The following CFAP61 variants were observed in gnomAD, a reference collection of about 807,000 sequenced individuals.
The protein encoded by CFAP61 is cilia and flagella associated protein 61, also known as cilia- and flagella-associated protein 61.
In CFAP61, 107 loss-of-function variants were observed where a neutral mutation model predicts 135.6. The observed-to-expected ratio is 0.79, with a 90% CI of 0.67 to 0.93. CFAP61 has a LOEUF of 0.93. Among genes scored for constraint, CFAP61 ranks in the 40% least tolerant of loss-of-function variants. The pLI is 0.00. For missense variants in CFAP61, 1,507 were observed against 1,556.2 expected (o/e 0.97, Z 0.53); for synonymous variants, 575 against 578.5 (o/e 0.99, Z 0.09).
At chr20:20,075,714 A>G in intron 6 of CFAP61, 99 bp downstream of exon 6, 1 of 1,381,184 alleles carries the variant, frequency 7.2e-7, no homozygotes. Context: ...TATAGCTTAG[A>G]TCAAAATTTT....
chr20:20,255,727 T>G (rs2051491935), intron 20 of CFAP61, among the ~76,000 whole-genome samples: 1 of 152,140 alleles, frequency 6.6e-6, no homozygotes, highest in African/African-American at 2.4e-5. Context: ...TGAGAATGAT[T>G]ACAGGGGAAA....
intron 8 of CFAP61, among the ~76,000 whole-genome samples, chr20:20,139,494 G>A (rs751096247): frequency 1.8e-4 from 27 of 152,282 alleles, no homozygotes; most frequent in Admixed American, 8.5e-4. Flanking sequence ...ATTAAATCGC[G>A]CAGCTTCAGT....
chr20:20,271,187 T>C (rs538982206), intron 21 of CFAP61, among the ~76,000 whole-genome samples: 1 of 152,214 alleles, frequency 6.6e-6, no homozygotes, highest in South Asian at 2.1e-4. Flanking sequence ...TCCCAACTAC[T>C]CAAGAGGCTG....
intron 17 of CFAP61, chr20:20,200,640 A>G: frequency 1.0e-6 from 1 of 968,532 alleles, no homozygotes; most frequent in Non-Finnish European, 1.2e-6. Flanking sequence ...TAAGTAAAAA[A>G]AAAAAAAATC....
Position 20,228,375 on chromosome 20 carries a change from T to A in CFAP61, c.2059T>A (p.Cys687Ser), listed in dbSNP as rs978089287. Residue 687 changes from cysteine (C) to serine (S), a missense_variant and splice_region_variant, in exon 18 of 27, where the codon TGC becomes AGC. By Grantham distance (112) the Cys-to-Ser change is moderately radical. Transcript: ENST00000245957. ...TTCCTTCCTAGAGACATTGGTATTTTGGTGAGTTGTTTCACTCTATTGATT... is the reference window on the plus strand; with the variant it reads ...TTCCTTCCTAGAGACATTGGTATTTAGGTGAGTTGTTTCACTCTATTGATT... ...GISFLETLVF[C>S]SHMKFNNLTL... The A allele has an allele frequency of 1.2e-6, 2 of 1,605,378 alleles. No homozygotes were observed. The highest frequency in any genetic ancestry group is 1.7e-6 in the Non-Finnish European group (2 of 1,172,952).
At chr20:20,290,999 G>A (rs541295134) in intron 24 of CFAP61, among the ~76,000 whole-genome samples, 2 of 152,194 alleles carry the variant, frequency 1.3e-5, no homozygotes, top group African/African-American at 4.8e-5. Flanking sequence ...TTTTTCAATA[G>A]ACTTTATTTT....
chr20:20,097,211 G>A (rs957258120), intron 7 of CFAP61, among the ~76,000 whole-genome samples: 5 of 151,730 alleles, frequency 3.3e-5, no homozygotes, highest in Non-Finnish European at 5.9e-5. Context: ...AAGATGCTGC[G>A]TTCTTGGGAA....
At chr20:20,156,294 T>TAA (rs905815690) in intron 9 of CFAP61, among the ~76,000 whole-genome samples, 1 of 151,214 alleles carries the variant, frequency 6.6e-6, no homozygotes, top group Non-Finnish European at 1.5e-5. Flanking sequence ...TTTAACAAAC[T>TAA]AAAAAAAAAC....
chr20:20,175,294 A>G (rs1013837048), intron 13 of CFAP61, among the ~76,000 whole-genome samples: 7 of 152,094 alleles, frequency 4.6e-5, no homozygotes, highest in Non-Finnish European at 1.0e-4. Flanking sequence ...TTCTTTCTTC[A>G]TATGCTCTTC....
intron 26 of CFAP61, among the ~76,000 whole-genome samples, chr20:20,345,835 T>A (rs1041898666): frequency 4.1e-4 from 61 of 147,176 alleles, no homozygotes; most frequent in African/African-American, 1.3e-3. Flanking sequence ...GGCAGGAGAA[T>A]CTCTTGAACT....
chr20:20,255,889 G>T (rs2051506033), intron 20 of CFAP61, among the ~76,000 whole-genome samples: 1 of 152,230 alleles, frequency 6.6e-6, no homozygotes, highest in Admixed American at 6.5e-5. Context: ...CAAAGGTTGT[G>T]ACATGGTGTG....
chr20:20,330,845 C>T (rs1404865516), intron 25 of CFAP61, among the ~76,000 whole-genome samples: 1 of 152,198 alleles, frequency 6.6e-6, no homozygotes, highest in Non-Finnish European at 1.5e-5. Context: ...AGAATGTCCT[C>T]TCTCAGAGTG....
At chr20:20,132,734 T>C (rs1019260535) in intron 8 of CFAP61, among the ~76,000 whole-genome samples, 1 of 152,136 alleles carries the variant, frequency 6.6e-6, no homozygotes, top group African/African-American at 2.4e-5. Flanking sequence ...GAAATTTTGA[T>C]CAGTTATGAA....
At chr20:20,200,528 T>A (rs193145697) in intron 17 of CFAP61, among the ~76,000 whole-genome samples, 22 of 152,340 alleles carry the variant, frequency 1.4e-4, no homozygotes, top group Non-Finnish European at 2.6e-4. Flanking sequence ...GAAATGTACC[T>A]GTATACATAC....
chr20:20,188,421 G>A (rs1569094356), intron 14 of CFAP61, among the ~76,000 whole-genome samples: 1 of 152,118 alleles, frequency 6.6e-6, no homozygotes, highest in Non-Finnish European at 1.5e-5. Context: ...GGTATCTGGT[G>A]CCCACCTCAG....
chr20:20,115,626 ATCTACTC>A (rs2049086665), intron 8 of CFAP61, among the ~76,000 whole-genome samples: 1 of 152,114 alleles, frequency 6.6e-6, no homozygotes, highest in Non-Finnish European at 1.5e-5. Context: ...GTAACCACCA[ATCTACTC>A]TCCACCTTCA....
At chr20:20,313,751 A>G (rs1321625353) in intron 25 of CFAP61, among the ~76,000 whole-genome samples, 2 of 152,192 alleles carry the variant, frequency 1.3e-5, no homozygotes, top group African/African-American at 4.8e-5. Flanking sequence ...ATTTGTAAAG[A>G]CGAGGTTTAT....
At chr20:20,278,766 G>A (rs969396841) in intron 22 of CFAP61, among the ~76,000 whole-genome samples, 1 of 152,146 alleles carries the variant, frequency 6.6e-6, no homozygotes, top group Admixed American at 6.5e-5. Flanking sequence ...GACTAAAAAG[G>A]AAGATTTTTT....
intron 8 of CFAP61, among the ~76,000 whole-genome samples, chr20:20,137,871 C>T (rs899676640): frequency 2.0e-5 from 3 of 152,172 alleles, no homozygotes; most frequent in African/African-American, 4.8e-5. Context: ...CACCTGAAGT[C>T]AGCACAGCTC....
Sources: gnomAD v4.1 joint callset for allele counts (sites outside exome capture counted in the v4.1 genomes callset) on GRCh38, gnomAD v4.1.1 for gene constraint, MANE v1.5 for transcripts, NCBI Gene and HGNC (gene_info 2026-07-23, HGNC 2026-07-21) for gene names.